TAF12: variants seen among roughly 807,000 people sequenced by gnomAD.
TAF12 encodes transcription initiation factor TFIID subunit 12.
In TAF12, 3 loss-of-function variants were observed where a neutral mutation model predicts 20.8. That is an observed-to-expected ratio of 0.14 (90% CI 0.07 to 0.37). The LOEUF is 0.37. Ranked by LOEUF, TAF12 falls within the 10% of genes least tolerant of loss-of-function variation. The pLI is 1.00. For synonymous variants in TAF12, 69 were observed against 70.2 expected, an observed-to-expected ratio of 0.98 and a Z score of 0.09; for missense variants, 131 against 197.9, an observed-to-expected ratio of 0.66 and a Z score of 2.03.
chr1:28,610,423 C>G (rs989536948), intron 4 of TAF12, among the ~76,000 whole-genome samples: 2 of 152,124 alleles, frequency 1.3e-5, no homozygotes, highest in Admixed American at 6.6e-5. Flanking sequence ...TCCTGAGTAG[C>G]TGGGACTACA....
At chr1:28,633,323 T>C (rs560381149) in intron 1 of TAF12, among the ~76,000 whole-genome samples, 4 of 150,394 alleles carry the variant, frequency 2.7e-5, no homozygotes, top group Admixed American at 6.6e-5. Context: ...CGTGCCACCA[T>C]GCTGGGCTAA....
chr1:28,627,265 G>A (rs1372070169), intron 1 of TAF12, among the ~76,000 whole-genome samples: 1 of 151,776 alleles, frequency 6.6e-6, no homozygotes, highest in African/African-American at 2.4e-5. Context: ...GCACACGCCT[G>A]TAATCCGAGC....
At chr1:28,610,460 TTTTTAAATCTTTTTTAAATC>T (rs1394432220) in intron 4 of TAF12, among the ~76,000 whole-genome samples, 6 of 151,862 alleles carry the variant, frequency 4.0e-5, no homozygotes, top group African/African-American at 1.5e-4. Context: ...CCTGGCTAAT[TTTTTAAATCTTTTTTAAATC>T]TTTTAAATCT....
In TAF12 at chr1:28,611,211, G is replaced by A. The variant is rs74065034; in HGVS notation, c.361+2036C>T. On this transcript the variant is annotated intron_variant, in intron 4 of 5. Coordinates refer to ENST00000373824, the MANE Select transcript of TAF12 (RefSeq NM_005644.4). ...AAAGGATGAGACCATATAGAGAGAC[G>A]GTGGGTGGGGAAGATGGGAAGGGTA... is the stretch of plus-strand genomic sequence containing the variant. 2.9e-3 allele frequency among the ~76,000 whole-genome samples: 440 copies of A among 151,864 alleles called. 2 individuals are homozygous for A. Among genetic ancestry groups the A allele is most frequent in the African/African-American group, 0.01 (430 of 41,384 alleles).
At chr1:28,623,281 G>A (rs1313005337) in intron 1 of TAF12, among the ~76,000 whole-genome samples, 1 of 151,984 alleles carries the variant, frequency 6.6e-6, no homozygotes, top group African/African-American at 2.4e-5. Flanking sequence ...CAGCACTTTG[G>A]GAGGCCGAGG....
intron 2 of TAF12, among the ~76,000 whole-genome samples, chr1:28,621,173 A>G (rs1428337080): frequency 1.3e-5 from 2 of 152,164 alleles, no homozygotes; most frequent in African/African-American, 4.8e-5. Flanking sequence ...CATATTCAAC[A>G]TAGGTTGATA....
chr1:28,643,058 C>G lies in TAF12; in HGVS notation c.-151G>C. Reference sequence around the variant, plus strand: ...CCAGTGAAGCGTTCGTCTCAGCAGCCGGTCCGACTGCGCGGCCCTCCCCGA... The same window carrying G: ...CCAGTGAAGCGTTCGTCTCAGCAGCGGGTCCGACTGCGCGGCCCTCCCCGA... On this transcript the variant is annotated 5_prime_UTR_variant, in exon 1 of 6. Coordinates refer to ENST00000373824, the MANE Select transcript of TAF12 (RefSeq NM_005644.4). 2.0e-6 allele frequency: 2 copies of G among 985,906 alleles called. No individual in the cohort carries two copies. The highest frequency in any genetic ancestry group is 1.2e-6 in the Non-Finnish European group (1 of 829,954). The allele number at this position is 985,906 out of a possible 1,614,324, so 61.1% of individuals were successfully genotyped here.
In TAF12 at chr1:28,636,235, C is replaced by T. The variant is rs371233220; in HGVS notation, c.-85+6757G>A. 5.5e-4 allele frequency among the ~76,000 whole-genome samples: 84 copies of T among 152,308 alleles called. No homozygotes were observed. In the South Asian group the frequency reaches 0.01, roughly 19 times the overall value. ...AGTATAGGCCACATGTGGGACCCCACGTCTGTAATCCCAGAACTTTGGGAG... is the reference window on the plus strand; with the variant it reads ...AGTATAGGCCACATGTGGGACCCCATGTCTGTAATCCCAGAACTTTGGGAG... On this transcript the variant is annotated intron_variant, in intron 1 of 5. Coordinates refer to ENST00000373824, the MANE Select transcript of TAF12 (RefSeq NM_005644.4).
chr1:28,640,205 A>C (rs1667987144), intron 1 of TAF12, among the ~76,000 whole-genome samples: 1 of 152,174 alleles, frequency 6.6e-6, no homozygotes, highest in Non-Finnish European at 1.5e-5. Context: ...TGCAAGGAAA[A>C]GCTCTACAAA....
chr1:28,626,274 G>A (rs902108477), intron 1 of TAF12, among the ~76,000 whole-genome samples: 8 of 151,130 alleles, frequency 5.3e-5, no homozygotes, highest in Non-Finnish European at 7.4e-5. Flanking sequence ...CACCGCGCCC[G>A]GCCTCAGCCT....
rs149735124 is a variant in TAF12 at position 28,629,595 on chromosome 1, C to T, written c.-84-7430G>A. On this transcript the variant is annotated intron_variant, in intron 1 of 5. Transcript: ENST00000373824. ...AAGTGATCCACCCACCTCGGCCTCC[C>T]ATAGTGCTGGGATTACAGGCGTGAG... is the stretch of plus-strand genomic sequence containing the variant. Among the ~76,000 whole-genome samples, 558 of 152,258 alleles carry T rather than the reference C, an allele frequency of 3.7e-3. 6 individuals carry two copies. Among genetic ancestry groups the T allele is most frequent in the African/African-American group, 0.013 (534 of 41,552 alleles).
At chr1:28,648,262 C>G (rs907362112) in exon 1 of TAF12, 1 of 985,296 alleles carries the variant, frequency 1.0e-6, no homozygotes. Flanking sequence ...GAGCAGTTGA[C>G]AAGAAAGACC....
chr1:28,622,749 G>A lies in TAF12; in HGVS notation c.-84-584C>T, dbSNP rs917857984. On this transcript the variant is annotated intron_variant, in intron 1 of 5. Coordinates refer to ENST00000373824, the MANE Select transcript of TAF12 (RefSeq NM_005644.4). Reference sequence around the variant, plus strand: ...TAAAAATTTAGCTGGGGCTGGGTGTGGTGGCTCAGGTCTGTAATCCCAGCA... The same window carrying A: ...TAAAAATTTAGCTGGGGCTGGGTGTAGTGGCTCAGGTCTGTAATCCCAGCA... 8.6e-5 allele frequency among the ~76,000 whole-genome samples: 13 copies of A among 151,442 alleles called. No individual in the cohort carries two copies. The South Asian group carries it at 2.5e-3, about 29-fold the overall frequency.
chr1:28,642,926 T>C, intron 1 of TAF12, 66 bp downstream of exon 1: 1 of 986,296 alleles, frequency 1.0e-6, no homozygotes, highest in South Asian at 4.7e-5. Context: ...ACTGACCCAC[T>C]GTAGGTCTGG....
intron 2 of TAF12, among the ~76,000 whole-genome samples, chr1:28,620,695 A>C (rs184500398): frequency 9.9e-5 from 15 of 152,254 alleles, no homozygotes; most frequent in African/African-American, 3.6e-4. Context: ...GGCCTCCCAA[A>C]GTGCTGGGAT....
upstream of TAF12, among the ~76,000 whole-genome samples, chr1:28,646,950 G>A (rs1025672083): frequency 1.3e-5 from 2 of 151,606 alleles, no homozygotes; most frequent in Non-Finnish European, 1.5e-5. Flanking sequence ...TGCCCACCTC[G>A]GCCTCTCAAA....
At chr1:28,609,992 T>A (rs1227668646) in intron 4 of TAF12, among the ~76,000 whole-genome samples, 2 of 151,974 alleles carry the variant, frequency 1.3e-5, no homozygotes, top group Non-Finnish European at 2.9e-5. Context: ...TTTTTTTTCT[T>A]TTTTTTGGGA....
chr1:28,628,331 C>G (rs1667503093), intron 1 of TAF12, among the ~76,000 whole-genome samples: 1 of 149,350 alleles, frequency 6.7e-6, no homozygotes, highest in Non-Finnish European at 1.5e-5. Context: ...CGCCACTGCA[C>G]TCCAGCCTGG....
At chr1:28,613,693 G>C (rs563154258) in intron 3 of TAF12, among the ~76,000 whole-genome samples, 2 of 152,220 alleles carry the variant, frequency 1.3e-5, no homozygotes, top group East Asian at 3.9e-4. Flanking sequence ...AAGCACTTTT[G>C]TTTCCATTAT....
Sources: gnomAD v4.1 joint callset for allele counts (sites outside exome capture counted in the v4.1 genomes callset) on GRCh38, gnomAD v4.1.1 for gene constraint, MANE v1.5 for transcripts, NCBI Gene and HGNC (gene_info 2026-07-23, HGNC 2026-07-21) for gene names.